The following SDK2 variants were observed in gnomAD, a reference collection of about 807,000 sequenced individuals.
SDK2 encodes the protein sidekick cell adhesion molecule 2, also known as protein sidekick-2.
In SDK2, 105 loss-of-function variants were observed where a neutral mutation model predicts 253.9. The observed-to-expected ratio is 0.41, with a 90% confidence interval of 0.35 to 0.49. The LOEUF (loss-of-function observed/expected upper bound fraction) is 0.49, where lower values mean the gene tolerates loss of function less well. Among genes scored for constraint, SDK2 ranks in the 20% least tolerant of loss-of-function variants. The pLI is 0.06. For missense variants in SDK2, 2,608 were observed against 3,003.0 expected (o/e 0.87, Z 3.07); for synonymous variants, 1,249 against 1,234.9 (o/e 1.01, Z -0.24).
chr17:73,546,249 G>A (rs1213085690), intron 1 of SDK2, among the ~76,000 whole-genome samples: 1 of 152,228 alleles, frequency 6.6e-6, no homozygotes, highest in Admixed American at 6.5e-5. Context: ...GCAGGCGGAT[G>A]CAGGCGGAGG....
At chr17:73,499,393 A>G (rs1208834306) in intron 2 of SDK2, among the ~76,000 whole-genome samples, 1 of 152,210 alleles carries the variant, frequency 6.6e-6, no homozygotes. Context: ...TCAGCATGGC[A>G]TGGGGGCTGG....
chr17:73,639,378 A>G lies in SDK2; in HGVS notation c.64+4647T>C, dbSNP rs897928859. ...CGGGGATGCTGAGCATCCCTGCTCA[A>G]CGCTGCTCACTGGCTCTGCCTCCTG... On this transcript the variant is annotated intron_variant, in intron 1 of 44. Transcript: ENST00000392650. The surrounding 1 kb of genome is among the most constrained non-coding windows in gnomAD (Gnocchi z 4.3). Among the ~76,000 whole-genome samples the G allele has an allele frequency of 1.3e-5, 2 of 152,086 alleles. No homozygotes were observed. The highest frequency in any genetic ancestry group is 6.5e-5 in the Admixed American group (1 of 15,278).
chr17:73,597,511 A>G (rs2045776042), intron 1 of SDK2, among the ~76,000 whole-genome samples: 2 of 152,146 alleles, frequency 1.3e-5, no homozygotes, highest in Admixed American at 6.5e-5. Flanking sequence ...AATCAACAGA[A>G]CTATGGACAT....
Position 73,358,156 on chromosome 17 carries a change from G to A in SDK2, c.5516C>T (p.Ala1839Val), listed in dbSNP as rs761254539. The change falls in exon 40 of 45, where the codon GCC becomes GTC. Residue 1839 changes from alanine to valine, a missense_variant. Physicochemically the swap from Ala to Val is moderately conservative, Grantham distance 64. This residue lies in a region of SDK2 where 1,103 missense variants were observed against 1,143.9 expected (regional missense o/e 0.96). Transcript: ENST00000392650. The part of the protein sequence containing the change: ...GVPIIVRYSS[A>V]IAIHWSSGDP... ...TCCGCTGGACCAGTGAATGGCGATG[G>A]CAGAGCTGTACCGCACGATGATGGG... The A allele has an allele frequency of 1.9e-6, 3 of 1,613,046 alleles. No individual in the cohort carries two copies. In the Admixed American group the frequency reaches 5.0e-5, roughly 27 times the overall value.
At chr17:73,452,926 T>G (rs532897228) in intron 4 of SDK2, among the ~76,000 whole-genome samples, 1 of 152,226 alleles carries the variant, frequency 6.6e-6, no homozygotes, top group African/African-American at 2.4e-5. Flanking sequence ...CTAAGAAACA[T>G]CCATGCTAAG....
At position 73,511,135 on chromosome 17, in the gene SDK2, A is replaced by G. The variant is rs560941578; in HGVS notation, c.65-3538T>C. On this transcript the variant is annotated intron_variant, in intron 1 of 44. Coordinates refer to ENST00000392650, the MANE Select transcript of SDK2 (RefSeq NM_001144952.2). This position sits in a 1 kb window ranked among gnomAD's most constrained non-coding sequence, Gnocchi z 4.9. ...ATTCTTACTTCAAAGGCGCATTCAT[A>G]TTCTCCAGCAGCTTTCAAGAGCCCT... 7.4e-4 allele frequency among the ~76,000 whole-genome samples: 113 copies of G among 152,308 alleles called. No homozygotes were observed. The highest frequency in any genetic ancestry group is 2.4e-3 in the African/African-American group (99 of 41,572).
At chr17:73,437,927 C>T in intron 7 of SDK2, 37 bp downstream of exon 7, 4 of 1,572,292 alleles carry the variant, frequency 2.5e-6, no homozygotes, top group East Asian at 2.3e-5. Flanking sequence ...CTGCCCCTAC[C>T]CCTCAGGGGA....
At chr17:73,552,581 C>A (rs896352831) in intron 1 of SDK2, among the ~76,000 whole-genome samples, 1 of 152,152 alleles carries the variant, frequency 6.6e-6, no homozygotes, top group African/African-American at 2.4e-5. Context: ...CTTAGATTAG[C>A]TTCTCGGCAC....
rs1019040419 is a variant in SDK2 at position 73,624,707 on chromosome 17, G to A, written c.64+19318C>T. Among the ~76,000 whole-genome samples, 95 of 152,170 alleles carry A rather than the reference G, an allele frequency of 6.2e-4. 1 individual carries two copies. The highest frequency in any genetic ancestry group is 5.6e-4 in the African/African-American group (23 of 41,422). ...TTAGCAACCGCTGAGTGATGCTGAGGCTGCCGGCATAAGCACCGCTCTCAG... is the reference window on the plus strand; with the variant it reads ...TTAGCAACCGCTGAGTGATGCTGAGACTGCCGGCATAAGCACCGCTCTCAG... On this transcript the variant is annotated intron_variant, in intron 1 of 44. Transcript: ENST00000392650.
At chr17:73,410,907 G>A (rs774828095) in intron 18 of SDK2, among the ~76,000 whole-genome samples, 1 of 152,194 alleles carries the variant, frequency 6.6e-6, no homozygotes, top group Non-Finnish European at 1.5e-5. Flanking sequence ...CCATGGGCTG[G>A]CCTTCCTGGC....
chr17:73,536,941 GTCAGGGAGGCCT>G (rs2145813666), intron 1 of SDK2, among the ~76,000 whole-genome samples: 1 of 152,268 alleles, frequency 6.6e-6, no homozygotes, highest in South Asian at 2.1e-4. Flanking sequence ...TACATAATGG[GTCAGGGAGGCCT>G]TCCTCTAACC....
rs141010999 is a variant in SDK2, at chr17:73,498,607, T to G, written c.224+8831A>C. On this transcript the variant is annotated intron_variant, in intron 2 of 44. Transcript: ENST00000392650. ...AGGCCTGGCACTTGTCTTAACTTTA[T>G]GATTTCAGATCTTGGACAAGAAATG... Among the ~76,000 whole-genome samples the G allele has an allele frequency of 3.0e-3, 452 of 152,336 alleles. 3 individuals are homozygous for G. The highest frequency in any genetic ancestry group is 0.01 in the African/African-American group (429 of 41,584).
At position 73,643,957 on chromosome 17, in the gene SDK2, T is replaced by TCCCCCCCCCCCCCCCCCC; in HGVS notation, c.64+67_64+68insGGGGGGGGGGGGGGGGGG. The TCCCCCCCCCCCCCCCCCC allele has an allele frequency of 8.8e-6, 9 of 1,019,990 alleles. No homozygotes were observed. Among genetic ancestry groups the TCCCCCCCCCCCCCCCCCC allele is most frequent in the Admixed American group, 2.1e-5 (1 of 48,756 alleles). The allele number at this position is 1,019,990 out of a possible 1,614,324, so 63.2% of individuals were successfully genotyped here. A position where few individuals can be genotyped will look rare whatever the true frequency, so the allele number is the denominator to read the frequency against. ...GGAGGTCACCGTGAGGCCGGCCAGC[T>TCCCCCCCCCCCCCCCCCC]CCCGCCGCCCCTCCCCCGCCCACTC... On this transcript the variant is annotated intron_variant, in intron 1 of 44. Coordinates refer to ENST00000392650, the MANE Select transcript of SDK2 (RefSeq NM_001144952.2). The surrounding 1 kb of genome is among the most constrained non-coding windows in gnomAD (Gnocchi z 6.9).
intron 3 of SDK2, 112 bp from the exon 4 acceptor site, chr17:73,456,165 A>G (rs2145662494): frequency 8.2e-7 from 1 of 1,224,118 alleles, no homozygotes; most frequent in Non-Finnish European, 1.1e-6. Flanking sequence ...GGCAGACAGG[A>G]TGACCACAGG....
At chr17:73,513,726 T>C (rs1375573775) in intron 1 of SDK2, 1 of 152,178 alleles carries the variant, frequency 6.6e-6, no homozygotes, top group East Asian at 1.9e-4. Flanking sequence ...AAAGAAACGA[T>C]TGTCCCTCCA....
chr17:73,432,920 CAG>C (rs1407019300), intron 10 of SDK2, among the ~76,000 whole-genome samples: 2 of 152,024 alleles, frequency 1.3e-5, no homozygotes, highest in African/African-American at 2.4e-5. Flanking sequence ...TGTGCACACA[CAG>C]AGGTGAAGAG....
chr17:73,557,182 A>G (rs2045156227), intron 1 of SDK2, among the ~76,000 whole-genome samples: 1 of 152,246 alleles, frequency 6.6e-6, no homozygotes, highest in Non-Finnish European at 1.5e-5. Flanking sequence ...GTAAGTTTCA[A>G]CTGAAGCTCA....
intron 36 of SDK2, among the ~76,000 whole-genome samples, chr17:73,375,999 T>C (rs952381640): frequency 1.4e-5 from 2 of 143,576 alleles, no homozygotes; most frequent in Non-Finnish European, 3.1e-5. Context: ...ATTGAGACCA[T>C]CCTGGCCAAC....
intron 18 of SDK2, among the ~76,000 whole-genome samples, chr17:73,414,334 C>T (rs975819874): frequency 5.9e-5 from 9 of 152,076 alleles, no homozygotes; most frequent in Non-Finnish European, 8.8e-5. Context: ...AGATGTGAGC[C>T]ACTGTGCCCG....
Sources: gnomAD v4.1 joint callset for allele counts (sites outside exome capture counted in the v4.1 genomes callset) on GRCh38, gnomAD v4.1.1 for gene constraint, gnomAD v4.1.1 regional missense constraint, Gnocchi (gnomAD v3.1) non-coding constraint, MANE v1.5 for transcripts, NCBI Gene and HGNC (gene_info 2026-07-23, HGNC 2026-07-21) for gene names.